RUFY4: variants seen among roughly 807,000 people sequenced by gnomAD.
RUFY4 encodes the protein RUN and FYVE domain-containing protein 4.
A neutral mutation model predicts 69.0 loss-of-function variants in RUFY4; 73 were observed. The ratio of observed to expected loss-of-function variants is 1.06; its 90% CI spans 0.88 to 1.29. RUFY4 has a LOEUF of 1.29. RUFY4 is among the 50% of genes most tolerant of loss of function. The pLI is 0.00. For synonymous variants in RUFY4, 287 were observed against 271.8 expected, an observed-to-expected ratio of 1.06 and a Z score of -0.55; for missense variants, 770 against 705.6, an observed-to-expected ratio of 1.09 and a Z score of -1.03.
At chr2:218,058,073 A>G (rs986897618) in intron 2 of RUFY4, among the ~76,000 whole-genome samples, 8 of 152,300 alleles carry the variant, frequency 5.3e-5, no homozygotes, top group African/African-American at 1.4e-4. Flanking sequence ...GAGATCATCA[A>G]ATTGCTTTCT....
intron 9 of RUFY4, among the ~76,000 whole-genome samples, chr2:218,088,849 G>T (rs1242273505): frequency 4.6e-5 from 7 of 151,556 alleles, no homozygotes. Flanking sequence ...CTCTGTCTCT[G>T]TGTCTCTTTC....
chr2:218,083,891 T>C (rs1332796691), intron 9 of RUFY4, among the ~76,000 whole-genome samples: 1 of 104,704 alleles, frequency 9.6e-6, no homozygotes, highest in Non-Finnish European at 1.8e-5. Flanking sequence ...GAACCATGGG[T>C]TGAGAAGGAA....
At chr2:218,090,267 G>A (rs146915090) in exon 11 of RUFY4, 10 of 360,550 alleles carry the variant, frequency 2.8e-5, no homozygotes, top group East Asian at 7.4e-5. Flanking sequence ...TGACTTTGGC[G>A]AAGCTCTCAG....
upstream of RUFY4, chr2:218,065,397 G>A (rs10202811): frequency 0.059 from 8,977 of 152,712 alleles, 434 homozygotes; most frequent in African/African-American, 0.13. Flanking sequence ...GCGTGCTCCT[G>A]CCAGGCTTTG....
intron 2 of RUFY4, chr2:218,058,550 G>A (rs1689114529): frequency 6.6e-6 from 1 of 152,202 alleles, no homozygotes; most frequent in Non-Finnish European, 1.5e-5. Flanking sequence ...AGCATGATAA[G>A]ATAGAATTGT....
At chr2:218,073,443 A>G in intron 5 of RUFY4, 57 bp downstream of exon 7, 2 of 1,555,892 alleles carry the variant, frequency 1.3e-6, no homozygotes, top group Non-Finnish European at 1.7e-6. Context: ...CATGGCCACC[A>G]AGGGTCCCAG....
Position 218,088,613 on chromosome 2 carries a change from C to A in RUFY4, c.1503-639C>A, listed in dbSNP as rs374988665. Among the ~76,000 whole-genome samples the A allele has an allele frequency of 1.9e-4, 29 of 152,234 alleles. No individual in the cohort carries two copies. The South Asian group carries it at 4.4e-3, about 23-fold the overall frequency. On this transcript the variant is annotated intron_variant, in intron 9 of 10. Coordinates refer to ENST00000344321, the Ensembl canonical transcript of RUFY4. Reference sequence around the variant, plus strand: ...TGTCTGGAGCAAGAAACCCCAGGGGCCTCTGTGATCAGGGAACACTCCTTT... The same window carrying A: ...TGTCTGGAGCAAGAAACCCCAGGGGACTCTGTGATCAGGGAACACTCCTTT...
At chr2:218,089,432 C>A in intron 10 of RUFY4, 70 bp downstream of exon 12, 4 of 1,344,412 alleles carry the variant, frequency 3.0e-6, no homozygotes, top group Non-Finnish European at 4.2e-6. Context: ...CCCCCACCCA[C>A]CCCAGGGAAG....
chr2:218,086,445 T>G (rs1689895854), intron 9 of RUFY4, among the ~76,000 whole-genome samples: 1 of 152,180 alleles, frequency 6.6e-6, no homozygotes, highest in Non-Finnish European at 1.5e-5. Flanking sequence ...GTCCTAAGAT[T>G]GTCCAGAAAA....
upstream of RUFY4, among the ~76,000 whole-genome samples, chr2:218,070,067 CGAG>C (rs1689447444): frequency 6.6e-6 from 1 of 152,132 alleles, no homozygotes; most frequent in South Asian, 2.1e-4. Context: ...GTAGGTGTCT[CGAG>C]GAGACTGAGT....
chr2:218,063,982 A>G (rs923748622), intron 3 of RUFY4, among the ~76,000 whole-genome samples: 3 of 152,018 alleles, frequency 2.0e-5, no homozygotes, highest in Admixed American at 6.6e-5. Context: ...AGGGTCCCCA[A>G]ACTCTAAGGC....
chr2:218,075,459 G>T (rs1351226050), exon 7 of RUFY4: 14 of 1,609,114 alleles, frequency 8.7e-6, no homozygotes, highest in Non-Finnish European at 1.2e-5. Flanking sequence ...TCTGCTGGTT[G>T]CAGAGGGTCA....
intron 6 of RUFY4, among the ~76,000 whole-genome samples, chr2:218,074,779 A>G (rs1689583607): frequency 6.6e-6 from 1 of 152,084 alleles, no homozygotes; most frequent in Non-Finnish European, 1.5e-5. Flanking sequence ...AAATTAAAGG[A>G]AAGGAGTGAG....
intron 2 of RUFY4, among the ~76,000 whole-genome samples, chr2:218,041,627 G>C (rs1270008983): frequency 6.6e-6 from 1 of 152,064 alleles, no homozygotes; most frequent in African/African-American, 2.4e-5. Context: ...TTATACAGCT[G>C]CTTTATTTGG....
upstream of RUFY4, among the ~76,000 whole-genome samples, chr2:218,067,908 G>T (rs1442614436): frequency 1.3e-5 from 2 of 152,302 alleles, no homozygotes; most frequent in East Asian, 1.9e-4. Context: ...GGGACATGGG[G>T]TGAAGCAAGG....
At chr2:218,039,087 A>G (rs778067180) in intron 2 of RUFY4, among the ~76,000 whole-genome samples, 1 of 152,204 alleles carries the variant, frequency 6.6e-6, no homozygotes, top group Non-Finnish European at 1.5e-5. Flanking sequence ...ATAAACCAAC[A>G]TCGGTAAAAG....
chr2:218,051,812 G>T (rs73082345), intron 2 of RUFY4, among the ~76,000 whole-genome samples: 1 of 152,090 alleles, frequency 6.6e-6, no homozygotes, highest in African/African-American at 2.4e-5. Flanking sequence ...AAACAGAAAG[G>T]TTTTCTTAAA....
chr2:218,073,072 G>T (rs764179134), intron 4 of RUFY4, among the ~76,000 whole-genome samples, 171 bp from the exon 7 acceptor site: 1 of 152,066 alleles, frequency 6.6e-6, no homozygotes, highest in African/African-American at 2.4e-5. Context: ...GGAGCATCAG[G>T]GTTCTTGGGC....
intron 3 of RUFY4, among the ~76,000 whole-genome samples, chr2:218,061,800 T>C (rs1422349351): frequency 6.6e-6 from 1 of 152,202 alleles, no homozygotes; most frequent in Admixed American, 6.5e-5. Context: ...AGGCTGGGTT[T>C]AATGTTCAGA....
Sources: gnomAD v4.1 joint callset for allele counts (sites outside exome capture counted in the v4.1 genomes callset) on GRCh38, gnomAD v4.1.1 for gene constraint, MANE v1.5 for transcripts, NCBI Gene and HGNC (gene_info 2026-07-23, HGNC 2026-07-21) for gene names.